AFAP1L2: variants seen among roughly 807,000 people sequenced by gnomAD.
The protein encoded by AFAP1L2 is actin filament associated protein 1 like 2.
AFAP1L2 carries 46 observed loss-of-function variants against 99.3 expected under a neutral mutation model. The observed-to-expected ratio is 0.46, with a 90% CI of 0.37 to 0.59. The LOEUF (loss-of-function observed/expected upper bound fraction) is 0.59. Among genes scored for constraint, AFAP1L2 ranks in the 20% least tolerant of loss-of-function variants. AFAP1L2 has a pLI of 0.00. For missense variants in AFAP1L2, 959 were observed against 1,034.9 expected (o/e 0.93, Z 1.01); for synonymous variants, 397 against 419.1 (o/e 0.95, Z 0.64).
chr10:114,357,438 A>T (rs1157185669), intron 1 of AFAP1L2, among the ~76,000 whole-genome samples: 4 of 152,158 alleles, frequency 2.6e-5, no homozygotes, highest in African/African-American at 9.7e-5. Flanking sequence ...CAAGGCCCCA[A>T]GGTGTGGTCA....
intron 1 of AFAP1L2, among the ~76,000 whole-genome samples, chr10:114,369,439 CA>C (rs1326018623): frequency 2.6e-4 from 40 of 151,862 alleles, no homozygotes; most frequent in African/African-American, 8.0e-4. Flanking sequence ...ACTAAAAATA[CA>C]AAAAATTAGC....
At chr10:114,325,061 A>G (rs1387020977) in intron 4 of AFAP1L2, among the ~76,000 whole-genome samples, 1 of 152,170 alleles carries the variant, frequency 6.6e-6, no homozygotes, top group Non-Finnish European at 1.5e-5. Context: ...TTTGGACTCT[A>G]CAGTCTGTTT....
At chr10:114,400,213 C>G (rs1302743741) in intron 1 of AFAP1L2, among the ~76,000 whole-genome samples, 1 of 152,214 alleles carries the variant, frequency 6.6e-6, no homozygotes, top group African/African-American at 2.4e-5. Context: ...GCTTCCTCAG[C>G]TTTGAAGCTC....
intron 2 of AFAP1L2, 49 bp downstream of exon 2, chr10:114,340,554 C>T: frequency 6.3e-7 from 1 of 1,578,262 alleles, no homozygotes; most frequent in Non-Finnish European, 8.6e-7. Context: ...GACTCACAAC[C>T]ATCTCTTTTG....
At chr10:114,300,863 A>G (rs113630011) in intron 13 of AFAP1L2, among the ~76,000 whole-genome samples, 173 bp from the exon 14 acceptor site, 129 of 152,264 alleles carry the variant, frequency 8.5e-4, no homozygotes, top group Middle Eastern at 3.4e-3. Context: ...TCGAGGTGGA[A>G]GACCCAGACA....
chr10:114,300,757 C>A (rs993185861), intron 13 of AFAP1L2, 67 bp from the exon 14 acceptor site: 40 of 1,518,808 alleles, frequency 2.6e-5, no homozygotes, highest in African/African-American at 4.2e-5. Flanking sequence ...GAGGGGGTAC[C>A]AGCCCTGCCT....
chr10:114,308,198 A>G (rs1354016261), intron 9 of AFAP1L2, among the ~76,000 whole-genome samples: 5 of 152,248 alleles, frequency 3.3e-5, no homozygotes, highest in African/African-American at 1.2e-4. Flanking sequence ...AAGAGATTTG[A>G]AATAGGGTTA....
intron 1 of AFAP1L2, among the ~76,000 whole-genome samples, chr10:114,384,448 T>C (rs1387033400): frequency 1.3e-5 from 2 of 152,166 alleles, no homozygotes; most frequent in Non-Finnish European, 2.9e-5. Context: ...TGAGCGTAGA[T>C]GGAGGACATT....
chr10:114,281,650 C>T, the AFAP1L2 span: 2 of 784,236 alleles, frequency 2.6e-6, no homozygotes, highest in South Asian at 5.8e-5. Context: ...TGCAGAGCCT[C>T]GTGTGGACAC....
chr10:114,329,846 C>T (rs993681196), intron 4 of AFAP1L2, among the ~76,000 whole-genome samples: 2 of 152,204 alleles, frequency 1.3e-5, no homozygotes, highest in African/African-American at 4.8e-5. Context: ...TAAATCCTGG[C>T]CTAGTACTTC....
At chr10:114,305,360 GGAGCGGGGCTGCAGGAGA>G (rs1209747373) in intron 10 of AFAP1L2, among the ~76,000 whole-genome samples, 26 of 149,966 alleles carry the variant, frequency 1.7e-4, no homozygotes, top group African/African-American at 4.7e-4. Flanking sequence ...GCTGCAGGAG[GGAGCGGGGCTGCAGGAGA>G]GAGCGGGGCT....
chr10:114,347,453 AT>A (rs1333511687), intron 1 of AFAP1L2, among the ~76,000 whole-genome samples: 2 of 151,990 alleles, frequency 1.3e-5, no homozygotes, highest in Admixed American at 6.6e-5. Flanking sequence ...AGAAAGTGGG[AT>A]TTTTTTCTTA....
chr10:114,361,321 T>G (rs2052376157), intron 1 of AFAP1L2, among the ~76,000 whole-genome samples: 1 of 152,110 alleles, frequency 6.6e-6, no homozygotes, highest in African/African-American at 2.4e-5. Flanking sequence ...AAAATCAACA[T>G]GAGCAGAAAA....
chr10:114,294,364 A>G (rs1404149597), downstream of AFAP1L2, among the ~76,000 whole-genome samples: 6 of 152,184 alleles, frequency 3.9e-5, no homozygotes, highest in African/African-American at 1.4e-4. Flanking sequence ...AAATCTTGTC[A>G]GTATCTGTAT....
chr10:114,308,645 G>A (rs530901395), intron 8 of AFAP1L2, 128 bp from the exon 9 acceptor site: 16 of 782,110 alleles, frequency 2.0e-5, no homozygotes, highest in South Asian at 5.4e-5. Flanking sequence ...AATCCCTGCC[G>A]GCCACCTAAA....
chr10:114,335,990 T>C (rs1280064000), intron 2 of AFAP1L2, among the ~76,000 whole-genome samples: 1 of 95,602 alleles, frequency 1.0e-5, no homozygotes, highest in East Asian at 5.1e-4. Flanking sequence ...TAAGTTCACA[T>C]ACCTATACAA....
At chr10:114,312,068 GC>G (rs1449360756) in intron 7 of AFAP1L2, among the ~76,000 whole-genome samples, 1 of 152,186 alleles carries the variant, frequency 6.6e-6, no homozygotes, top group Non-Finnish European at 1.5e-5. Context: ...GAAAGTCTGT[GC>G]CTGCTGAAAG....
In AFAP1L2 at chr10:114,294,910, T is replaced by TAA; in HGVS notation, c.*1130_*1131dup. 1 of 976,766 alleles carries TAA rather than the reference T, an allele frequency of 1.0e-6. No homozygotes were observed. The highest frequency in any genetic ancestry group is 1.2e-6 in the Non-Finnish European group (1 of 826,312). 60.5% of individuals were successfully genotyped at this position (976,766 alleles called of 1,614,324 possible). A position where few individuals can be genotyped will look rare whatever the true frequency, so the allele number is the denominator to read the frequency against. ...CACCAAATGTTTATGAGAGAGGAAA[T>TAA]AAGAATAAAAAAGACATTTAGTTCT... On this transcript the variant is annotated 3_prime_UTR_variant, in exon 19 of 19. Transcript: ENST00000304129.
At chr10:114,328,396 C>CAGCT (rs1229626079) in intron 4 of AFAP1L2, among the ~76,000 whole-genome samples, 6 of 152,214 alleles carry the variant, frequency 3.9e-5, no homozygotes, top group African/African-American at 1.4e-4. Context: ...CAGGGCCAGG[C>CAGCT]AGCTGTGCAG....
Sources: gnomAD v4.1 joint callset for allele counts (sites outside exome capture counted in the v4.1 genomes callset) on GRCh38, gnomAD v4.1.1 for gene constraint, MANE v1.5 for transcripts, NCBI Gene and HGNC (gene_info 2026-07-23, HGNC 2026-07-21) for gene names.